HCN1: variants seen among roughly 807,000 people sequenced by gnomAD.
HCN1 encodes the protein potassium/sodium hyperpolarization-activated cyclic nucleotide-gated channel 1.
HCN1 carries 13 observed loss-of-function variants against 78.9 expected under a neutral mutation model. The observed-to-expected ratio is 0.16, with a 90% CI of 0.11 to 0.26. The LOEUF (loss-of-function observed/expected upper bound fraction) is 0.26. Among genes scored for constraint, HCN1 ranks in the 10% least tolerant of loss-of-function variants. The pLI is 1.00. For synonymous variants in HCN1, 552 were observed against 455.5 expected (o/e 1.21, Z -2.70); for missense variants, 810 against 1,154.3 (o/e 0.70, Z 4.32).
intron 1 of HCN1, among the ~76,000 whole-genome samples, chr5:45,689,309 A>C (rs1739864063): frequency 6.6e-6 from 1 of 152,118 alleles, no homozygotes; most frequent in Admixed American, 6.6e-5. Context: ...TGAAGAAAAA[A>C]AAATGAAGCC....
At chr5:45,263,565 G>A (rs1389161804) in intron 7 of HCN1, among the ~76,000 whole-genome samples, 2 of 152,146 alleles carry the variant, frequency 1.3e-5, no homozygotes, top group Non-Finnish European at 2.9e-5. Context: ...ATGCAAATCT[G>A]AGGAGGACTG....
At chr5:45,561,356 A>T (rs1743597315) in intron 2 of HCN1, among the ~76,000 whole-genome samples, 1 of 152,016 alleles carries the variant, frequency 6.6e-6, no homozygotes, top group Non-Finnish European at 1.5e-5. Context: ...TTTCCAATTC[A>T]TCTTAAACAA....
At chr5:45,655,856 C>T (rs773480353) in intron 1 of HCN1, among the ~76,000 whole-genome samples, 1 of 152,072 alleles carries the variant, frequency 6.6e-6, no homozygotes, top group Admixed American at 6.6e-5. Flanking sequence ...GGTGCATTGA[C>T]CAAAGTCAGT....
chr5:45,403,146 C>G (rs1320269009), intron 3 of HCN1, among the ~76,000 whole-genome samples: 1 of 152,084 alleles, frequency 6.6e-6, no homozygotes, highest in Non-Finnish European at 1.5e-5. Context: ...TCTTTAGACA[C>G]TGAATTTTGT....
Position 45,528,393 on chromosome 5 carries a change from T to C in HCN1, c.850-66386A>G, listed in dbSNP as rs1255616766. Among the ~76,000 whole-genome samples, 6 of 152,112 alleles carry C rather than the reference T, an allele frequency of 3.9e-5. No homozygotes were observed. In the East Asian group the frequency reaches 9.7e-4, roughly 24 times the overall value. ...CACCCTAGGGCTGACTAGTAGCCTG[T>C]ATGCACCATTACTATAGACCAAATA... On this transcript the variant is annotated intron_variant, in intron 2 of 7. Coordinates refer to ENST00000303230, the MANE Select transcript of HCN1 (RefSeq NM_021072.4).
intron 3 of HCN1, among the ~76,000 whole-genome samples, chr5:45,417,211 A>AT (rs575506525): frequency 2.3e-4 from 35 of 151,824 alleles, no homozygotes; most frequent in Admixed American, 3.9e-4. Flanking sequence ...GAAAGTTGAC[A>AT]TTTTTTTTGT....
chr5:45,282,742 T>C (rs1260014676), intron 6 of HCN1, among the ~76,000 whole-genome samples: 2 of 152,192 alleles, frequency 1.3e-5, no homozygotes, highest in Admixed American at 6.5e-5. Context: ...ATATACCCCG[T>C]AGGACTAACT....
At position 45,257,415 on chromosome 5, in the gene HCN1, A is replaced by ATTT. The variant is rs1351492411; in HGVS notation, c.*4503_*4505dup. 1 of 152,218 alleles carries ATTT rather than the reference A, an allele frequency of 6.6e-6. No individual in the cohort carries two copies. The highest frequency in any genetic ancestry group is 1.5e-5 in the Non-Finnish European group (1 of 68,044). 9.4% of individuals were successfully genotyped at this position (152,218 alleles called of 1,614,324 possible). A position where few individuals can be genotyped will look rare whatever the true frequency, so the allele number is the denominator to read the frequency against. On this transcript the variant is annotated 3_prime_UTR_variant, in exon 8 of 8. Coordinates refer to ENST00000303230, the MANE Select transcript of HCN1 (RefSeq NM_021072.4). ...ACTAAATGATAATTATTTCCCCAGC[A>ATTT]TTTAATGTATTACTCATTCTCTCCA...
At chr5:45,350,758 G>T (rs1488638327) in intron 5 of HCN1, among the ~76,000 whole-genome samples, 1 of 151,614 alleles carries the variant, frequency 6.6e-6, no homozygotes, top group East Asian at 1.9e-4. Flanking sequence ...CAAATCATGA[G>T]TGAACTCCCA....
intron 4 of HCN1, among the ~76,000 whole-genome samples, chr5:45,357,697 G>GT (rs1197588014): frequency 8.5e-5 from 13 of 152,120 alleles, no homozygotes; most frequent in African/African-American, 2.9e-4. Context: ...CCCTATGTGT[G>GT]TATGTTAGGA....
chr5:45,565,953 T>C (rs1015647476), intron 2 of HCN1, among the ~76,000 whole-genome samples: 1 of 152,170 alleles, frequency 6.6e-6, no homozygotes, highest in African/African-American at 2.4e-5. Context: ...CAAAATAAAA[T>C]TGAAATGTGT....
At chr5:45,309,888 T>C (rs1561099064) in intron 5 of HCN1, among the ~76,000 whole-genome samples, 7 of 152,170 alleles carry the variant, frequency 4.6e-5, no homozygotes, top group Non-Finnish European at 8.8e-5. Context: ...ATAGAATAAG[T>C]TAGGGAGGAC....
At chr5:45,444,246 T>C (rs1045891872) in intron 3 of HCN1, among the ~76,000 whole-genome samples, 1 of 152,186 alleles carries the variant, frequency 6.6e-6, no homozygotes, top group Non-Finnish European at 1.5e-5. Flanking sequence ...TAATTACTAA[T>C]CTGTCACAGT....
intron 5 of HCN1, among the ~76,000 whole-genome samples, chr5:45,350,531 C>T (rs1199811943): frequency 1.3e-5 from 2 of 151,504 alleles, no homozygotes; most frequent in Admixed American, 6.6e-5. Context: ...CCAGGGCAAT[C>T]AGGCAGGAGA....
intron 2 of HCN1, among the ~76,000 whole-genome samples, chr5:45,622,747 C>A (rs749183244): frequency 6.6e-6 from 1 of 152,128 alleles, no homozygotes; most frequent in Non-Finnish European, 1.5e-5. Context: ...TTAGACTTTT[C>A]AGCTAATGGA....
chr5:45,387,807 T>A (rs1255736577), intron 4 of HCN1, among the ~76,000 whole-genome samples: 1 of 152,138 alleles, frequency 6.6e-6, no homozygotes, highest in Non-Finnish European at 1.5e-5. Flanking sequence ...ACCCTATACA[T>A]ATACTATGTT....
intron 1 of HCN1, among the ~76,000 whole-genome samples, chr5:45,691,830 T>C (rs1384241656): frequency 6.6e-6 from 1 of 152,186 alleles, no homozygotes; most frequent in Non-Finnish European, 1.5e-5. Context: ...CTGATATCAG[T>C]ACAGTTGTGG....
intron 3 of HCN1, among the ~76,000 whole-genome samples, chr5:45,417,352 A>T (rs1023835618): frequency 2.6e-5 from 4 of 151,856 alleles, no homozygotes; most frequent in African/African-American, 9.7e-5. Flanking sequence ...TGCAGAAGCC[A>T]TTTTTCATCA....
chr5:45,370,488 A>G (rs1197276199), intron 4 of HCN1, among the ~76,000 whole-genome samples: 1 of 152,068 alleles, frequency 6.6e-6, no homozygotes, highest in Non-Finnish European at 1.5e-5. Context: ...AGCCTTCTGA[A>G]CTTCAACATC....
Sources: allele counts gnomAD v4.1 joint callset (sites outside exome capture counted in the v4.1 genomes callset), GRCh38; gene constraint gnomAD v4.1.1; transcripts MANE v1.5; gene names NCBI Gene and HGNC (gene_info 2026-07-23, HGNC 2026-07-21).